SLC28A1: variants seen among roughly 807,000 people sequenced by gnomAD.
SLC28A1 encodes solute carrier family 28 member 1.
A neutral mutation model predicts 74.8 loss-of-function variants in SLC28A1; 64 were observed. That is an observed-to-expected ratio of 0.86 (90% confidence interval 0.70 to 1.05). The LOEUF is 1.05. Ranked by LOEUF, SLC28A1 falls within the 50% of genes least tolerant of loss-of-function variation. The probability of loss-of-function intolerance (pLI) is 0.00; values close to 1 mark genes in which losing one functional copy is unlikely to be tolerated. For synonymous variants in SLC28A1, 359 were observed against 335.0 expected (o/e 1.07, Z -0.78); for missense variants, 828 against 822.8 (o/e 1.01, Z -0.08).
At chr15:84,903,397 C>T (rs1046968740) in intron 6 of SLC28A1, among the ~76,000 whole-genome samples, 3 of 152,212 alleles carry the variant, frequency 2.0e-5, no homozygotes, top group East Asian at 1.9e-4. Flanking sequence ...TCTCTCGCAT[C>T]GGTATAGTAC....
chr15:84,958,628 A>C, the SLC28A1 span, among the ~76,000 whole-genome samples: 2 of 152,082 alleles, frequency 1.3e-5, no homozygotes, highest in African/African-American at 4.8e-5. Context: ...ACCGTAGCTT[A>C]CTGAAGCTTT....
chr15:84,923,235 G>A (rs1050525465), intron 11 of SLC28A1, among the ~76,000 whole-genome samples: 6 of 152,142 alleles, frequency 3.9e-5, no homozygotes, highest in Admixed American at 1.3e-4. Flanking sequence ...ACTGTGCCTG[G>A]CCTACTCAGT....
At chr15:84,908,642 C>G in intron 8 of SLC28A1, 76 bp from the exon 9 acceptor site, 2 of 1,293,156 alleles carry the variant, frequency 1.5e-6, no homozygotes, top group Admixed American at 1.8e-5. Context: ...ACCCGCCTGT[C>G]TCTGGCCGCT....
intron 15 of SLC28A1, 116 bp downstream of exon 15, chr15:84,935,634 T>A: frequency 1.2e-6 from 1 of 839,580 alleles, no homozygotes; most frequent in Non-Finnish European, 1.9e-6. Flanking sequence ...ACTGAAGTGG[T>A]GCTTCACCTC....
In SLC28A1 at chr15:84,935,131, C is replaced by CTT. The variant is rs1205983431; in HGVS notation, c.1322_1323dup (p.Ile442LeufsTer31). On this transcript the variant is annotated frameshift_variant, in exon 14 of 19. Coordinates refer to ENST00000394573, the MANE Select transcript of SLC28A1 (RefSeq NM_004213.5). LOFTEE classifies it high-confidence loss of function. ...TGATTGCGTTCCTGGCTGTGCTGGACTTTATCAATGCTGCCCTCTCCTGGC... is the reference window on the plus strand; with the variant it reads ...TGATTGCGTTCCTGGCTGTGCTGGACTTTTTATCAATGCTGCCCTCTCCTGGC... The CTT allele has an allele frequency of 6.2e-7, 1 of 1,614,038 alleles. No individual in the cohort carries two copies. Among genetic ancestry groups the CTT allele is most frequent in the African/African-American group, 1.3e-5 (1 of 74,922 alleles).
intron 16 of SLC28A1, among the ~76,000 whole-genome samples, 189 bp from the exon 17 acceptor site, chr15:84,944,377 T>TGGCATTG (rs1973068524): frequency 6.6e-6 from 1 of 152,068 alleles, no homozygotes; most frequent in African/African-American, 2.4e-5. Context: ...TGTGGGGCAT[T>TGGCATTG]GCCTAGGGGT....
the SLC28A1 span, among the ~76,000 whole-genome samples, chr15:84,962,785 G>T: frequency 6.6e-6 from 1 of 152,198 alleles, no homozygotes; most frequent in African/African-American, 2.4e-5. Flanking sequence ...GTGTGACTAG[G>T]GCTGGGGGTA....
chr15:84,966,939 G>A, the SLC28A1 span, among the ~76,000 whole-genome samples: 1 of 151,786 alleles, frequency 6.6e-6, no homozygotes, highest in East Asian at 1.9e-4. Context: ...GCCCAGCTAA[G>A]TTTTTTATTT....
chr15:84,898,225 G>A (rs1285912692), intron 6 of SLC28A1, among the ~76,000 whole-genome samples: 3 of 151,612 alleles, frequency 2.0e-5, no homozygotes, highest in Non-Finnish European at 4.4e-5. Flanking sequence ...CTTGAACCAT[G>A]CACTGTAAAT....
chr15:84,904,261 A>G, intron 7 of SLC28A1, 23 bp downstream of exon 7: 3 of 1,613,054 alleles, frequency 1.9e-6, no homozygotes, highest in Middle Eastern at 1.6e-4. Context: ...TGTGGGGCCC[A>G]GGGCTGGAAG....
At chr15:84,942,533 TC>T (rs1426504104) in intron 15 of SLC28A1, among the ~76,000 whole-genome samples, 1 of 152,198 alleles carries the variant, frequency 6.6e-6, no homozygotes, top group Non-Finnish European at 1.5e-5. Flanking sequence ...GCCTGGTGTT[TC>T]CCATACATTA....
At chr15:84,955,096 T>C in the SLC28A1 span, among the ~76,000 whole-genome samples, 1 of 152,066 alleles carries the variant, frequency 6.6e-6, no homozygotes, top group Middle Eastern at 3.2e-3. Flanking sequence ...AGGCACCAGG[T>C]CAACTGTCCC....
chr15:84,902,201 A>G (rs11631884), intron 6 of SLC28A1, among the ~76,000 whole-genome samples: 71,986 of 152,044 alleles, frequency 0.47, 18,702 homozygotes, highest in East Asian at 0.76. Flanking sequence ...CAAAGTAGGC[A>G]GGGTGCGGTG....
intron 6 of SLC28A1, among the ~76,000 whole-genome samples, chr15:84,897,555 A>G (rs1048569695): frequency 4.6e-5 from 7 of 152,260 alleles, no homozygotes; most frequent in African/African-American, 1.7e-4. Flanking sequence ...GTGATAATTT[A>G]ATACATTCAT....
the SLC28A1 span, among the ~76,000 whole-genome samples, chr15:84,967,956 A>G: frequency 2.0e-5 from 3 of 152,114 alleles, no homozygotes; most frequent in Non-Finnish European, 4.4e-5. Context: ...AGATTTAGTG[A>G]ATCTTGGAGT....
At chr15:84,926,337 T>G (rs1179134141) in intron 12 of SLC28A1, among the ~76,000 whole-genome samples, 1 of 149,498 alleles carries the variant, frequency 6.7e-6, no homozygotes, top group African/African-American at 2.5e-5. Context: ...TAGCTGGGAC[T>G]ACATACGTGC....
chr15:84,899,938 A>AG (rs199845819), intron 6 of SLC28A1, among the ~76,000 whole-genome samples: 13,814 of 108,240 alleles, frequency 0.13, 899 homozygotes, highest in Non-Finnish European at 0.18. Context: ...AAAGAAAGAA[A>AG]GAAAGGAAGG....
chr15:84,925,615 A>G (rs1727379415), intron 12 of SLC28A1, among the ~76,000 whole-genome samples: 5 of 152,090 alleles, frequency 3.3e-5, no homozygotes, highest in Admixed American at 1.3e-4. Flanking sequence ...AAGAAAAGAA[A>G]TGATGGGGGT....
Position 84,943,465 on chromosome 15 carries a change from G to A in SLC28A1, c.1602G>A (p.Thr534=), listed in dbSNP as rs868022257. 2.5e-6 allele frequency: 4 copies of A among 1,613,976 alleles called. No individual in the cohort carries two copies. Among genetic ancestry groups the A allele is most frequent in the South Asian group, 1.1e-5 (1 of 91,076 alleles). Residue 534 remains threonine (T), a synonymous_variant, in exon 16 of 19, where the codon ACG becomes ACA. Coordinates refer to ENST00000394573, the MANE Select transcript of SLC28A1 (RefSeq NM_004213.5). ...QWISVRAEVL[T]TFALCGFANF... ...TTCAGGTCAGAGCTGAAGTCCTCAC[G>A]ACGTTTGCCCTCTGTGGATTTGCCA... is the stretch of plus-strand genomic sequence containing the variant.
Sources: allele counts gnomAD v4.1 joint callset (sites outside exome capture counted in the v4.1 genomes callset), GRCh38; gene constraint gnomAD v4.1.1; transcripts MANE v1.5; gene names NCBI Gene and HGNC (gene_info 2026-07-23, HGNC 2026-07-21).